Variants in MIR2052HG observed in about 807,000 individuals in gnomAD.
MIR2052HG encodes MIR2052 host gene.
intron 1 of MIR2052HG, among the ~76,000 whole-genome samples, chr8:74,600,768 G>T (rs1278770053): frequency 6.6e-6 from 1 of 151,866 alleles, no homozygotes; most frequent in African/African-American, 2.4e-5. Context: ...TAGAGATGAG[G>T]TTTCACCATG....
chr8:74,691,826 C>T (rs1809242393), intron 2 of MIR2052HG, among the ~76,000 whole-genome samples: 2 of 152,098 alleles, frequency 1.3e-5, no homozygotes, highest in African/African-American at 4.8e-5. Flanking sequence ...CAATTCAAAC[C>T]TGTGTGAAGT....
chr8:74,748,571 C>T (rs1427937455), intron 4 of MIR2052HG, among the ~76,000 whole-genome samples: 2 of 152,100 alleles, frequency 1.3e-5, no homozygotes, highest in African/African-American at 2.4e-5. Context: ...TTTTTGGATT[C>T]TAAGAACCAT....
At chr8:74,632,847 C>T (rs1010221138) in intron 2 of MIR2052HG, among the ~76,000 whole-genome samples, 1 of 152,004 alleles carries the variant, frequency 6.6e-6, no homozygotes, top group Non-Finnish European at 1.5e-5. Flanking sequence ...GGACCCCTAC[C>T]TCACTGTTTT....
intron 4 of MIR2052HG, among the ~76,000 whole-genome samples, chr8:74,723,290 A>G (rs1375133877): frequency 6.6e-6 from 1 of 152,220 alleles, no homozygotes; most frequent in Non-Finnish European, 1.5e-5. Context: ...TCAAATACAC[A>G]GCATTTATCA....
chr8:74,613,921 T>C (rs916769677), intron 2 of MIR2052HG, among the ~76,000 whole-genome samples: 13 of 152,246 alleles, frequency 8.5e-5, no homozygotes, highest in African/African-American at 3.1e-4. Flanking sequence ...CATTGAATTT[T>C]AGATATTTAC....
intron 1 of MIR2052HG, chr8:74,603,504 A>C (rs761111950): frequency 6.4e-7 from 1 of 1,569,318 alleles, no homozygotes; most frequent in Non-Finnish European, 8.8e-7. Context: ...AATCGTTTGG[A>C]ATGGTAAGTT....
At chr8:74,653,493 G>A (rs1808773445) in intron 2 of MIR2052HG, among the ~76,000 whole-genome samples, 1 of 152,058 alleles carries the variant, frequency 6.6e-6, no homozygotes, top group Non-Finnish European at 1.5e-5. Context: ...CCATTTATTA[G>A]TGTCATGCTA....
intron 2 of MIR2052HG, among the ~76,000 whole-genome samples, chr8:74,680,301 A>G (rs1187004352): frequency 6.6e-6 from 1 of 152,224 alleles, no homozygotes; most frequent in Non-Finnish European, 1.5e-5. Context: ...AAACCAAAGA[A>G]GAAATAAAAT....
chr8:74,674,371 C>G (rs962470266), intron 2 of MIR2052HG, among the ~76,000 whole-genome samples: 31 of 151,924 alleles, frequency 2.0e-4, no homozygotes, highest in African/African-American at 7.2e-4. Context: ...CAGCCCCTCC[C>G]CAATCCTGGG....
intron 2 of MIR2052HG, among the ~76,000 whole-genome samples, chr8:74,630,819 C>T (rs1322258931): frequency 6.6e-6 from 1 of 152,186 alleles, no homozygotes; most frequent in Non-Finnish European, 1.5e-5. Flanking sequence ...TCTGACACCT[C>T]AGCTACTATG....
chr8:74,747,155 G>A (rs778322968), intron 4 of MIR2052HG, among the ~76,000 whole-genome samples: 4 of 152,128 alleles, frequency 2.6e-5, no homozygotes, highest in Non-Finnish European at 5.9e-5. Context: ...AAATTTCTCA[G>A]TGTGTTTGTG....
intron 1 of MIR2052HG, among the ~76,000 whole-genome samples, chr8:74,606,470 A>ATGTG (rs1808113645): frequency 1.3e-5 from 2 of 152,264 alleles, no homozygotes; most frequent in Admixed American, 1.3e-4. Flanking sequence ...GAAATAAAAT[A>ATGTG]TGTGACAATA....
At chr8:74,658,584 C>T (rs1808830969) in intron 2 of MIR2052HG, among the ~76,000 whole-genome samples, 1 of 152,026 alleles carries the variant, frequency 6.6e-6, no homozygotes, top group Admixed American at 6.6e-5. Flanking sequence ...TGAGGTTTCA[C>T]CATGTTGGCT....
chr8:74,753,807 A>G (rs1809972822), intron 5 of MIR2052HG, among the ~76,000 whole-genome samples: 1 of 152,122 alleles, frequency 6.6e-6, no homozygotes, highest in African/African-American at 2.4e-5. Flanking sequence ...CCTCTTGTCT[A>G]TTGACATATC....
At chr8:74,741,419 T>G (rs1809827233) in intron 4 of MIR2052HG, among the ~76,000 whole-genome samples, 1 of 152,204 alleles carries the variant, frequency 6.6e-6, no homozygotes, top group African/African-American at 2.4e-5. Context: ...GTTTGACCTT[T>G]TCTAACCCTG....
At chr8:74,751,181 G>C (rs554861064) in intron 4 of MIR2052HG, among the ~76,000 whole-genome samples, 1 of 152,308 alleles carries the variant, frequency 6.6e-6, no homozygotes, top group South Asian at 2.1e-4. Flanking sequence ...TGTCCTAGCT[G>C]GGCTTGAACG....
At chr8:74,668,109 G>A (rs561407683) in intron 2 of MIR2052HG, among the ~76,000 whole-genome samples, 1 of 151,802 alleles carries the variant, frequency 6.6e-6, no homozygotes, top group Non-Finnish European at 1.5e-5. Flanking sequence ...TTTCCTACTA[G>A]GTGGAAAGAA....
At chr8:74,719,591 GT>G (rs1809553519) in intron 4 of MIR2052HG, among the ~76,000 whole-genome samples, 1 of 152,130 alleles carries the variant, frequency 6.6e-6, no homozygotes. Flanking sequence ...TCAGTTTTAA[GT>G]CTGAAATCAC....
chr8:74,681,297 A>ATTAATTT (rs767604684), intron 2 of MIR2052HG, among the ~76,000 whole-genome samples: 233 of 152,252 alleles, frequency 1.5e-3, no homozygotes, highest in Non-Finnish European at 2.8e-3. Context: ...CCAGCAAAAA[A>ATTAATTT]TTAAGATTTT....
Sources: gnomAD v4.1 joint callset for allele counts (sites outside exome capture counted in the v4.1 genomes callset) on GRCh38, gnomAD v4.1.1 for gene constraint, MANE v1.5 for transcripts, NCBI Gene and HGNC (gene_info 2026-07-23, HGNC 2026-07-21) for gene names.